GARIN2: variants seen among roughly 807,000 people sequenced by gnomAD.
GARIN2 encodes the protein golgi associated RAB2 interactor family member 2, also known as Golgi-associated RAB2 interactor protein 2.
chr14:67,196,673 G>A, the GARIN2 span: 1 of 152,146 alleles, frequency 6.6e-6, no homozygotes, highest in East Asian at 1.9e-4. Flanking sequence ...TTGGCCATAG[G>A]AGCTCAGGAT....
the GARIN2 span, among the ~76,000 whole-genome samples, chr14:67,225,753 C>T: frequency 6.6e-6 from 1 of 152,278 alleles, no homozygotes; most frequent in East Asian, 1.9e-4. Context: ...TAGGGTGGCC[C>T]TGGCCTACTG....
the GARIN2 span, among the ~76,000 whole-genome samples, chr14:67,213,093 G>T: frequency 7.5e-6 from 1 of 133,662 alleles, no homozygotes; most frequent in Admixed American, 7.5e-5. Context: ...GAATTCTGTG[G>T]TGTTTTTTTT....
chr14:67,198,837 A>T, the GARIN2 span: 9 of 577,962 alleles, frequency 1.6e-5, no homozygotes, highest in Non-Finnish European at 2.6e-5. Flanking sequence ...AACATTCAAC[A>T]TTAAAATATT....
chr14:67,195,731 G>A, the GARIN2 span, among the ~76,000 whole-genome samples: 22,472 of 151,326 alleles, frequency 0.15, 3,164 homozygotes, highest in East Asian at 0.36. Flanking sequence ...GTGTGTGTGT[G>A]TGTGTGTGTG....
the GARIN2 span, among the ~76,000 whole-genome samples, chr14:67,191,037 C>A: frequency 2.0e-5 from 3 of 152,188 alleles, no homozygotes; most frequent in African/African-American, 7.2e-5. Context: ...AGTTCAAGAC[C>A]AGCCTGGCCA....
chr14:67,193,659 T>C, the GARIN2 span, among the ~76,000 whole-genome samples: 2 of 146,000 alleles, frequency 1.4e-5, no homozygotes, highest in Non-Finnish European at 3.0e-5. Context: ...AGAAATTAAG[T>C]AGGCCAAGCA....
the GARIN2 span, among the ~76,000 whole-genome samples, chr14:67,222,732 T>A: frequency 6.6e-6 from 1 of 152,152 alleles, no homozygotes; most frequent in Non-Finnish European, 1.5e-5. Flanking sequence ...TCTCTCTCTT[T>A]GCTGAGTGCT....
At chr14:67,220,513 T>G in the GARIN2 span, among the ~76,000 whole-genome samples, 160 of 152,280 alleles carry the variant, frequency 1.1e-3, no homozygotes, top group African/African-American at 3.6e-3. Flanking sequence ...TCTTTAAAAT[T>G]TAAATTGAGC....
the GARIN2 span, chr14:67,223,994 C>T: frequency 3.0e-6 from 3 of 984,048 alleles, no homozygotes; most frequent in Non-Finnish European, 3.6e-6. Context: ...AATAACTGCT[C>T]CCCATAGTAG....
the GARIN2 span, chr14:67,197,165 GT>G: frequency 6.6e-6 from 1 of 152,342 alleles, no homozygotes; most frequent in Non-Finnish European, 1.5e-5. Flanking sequence ...CTGGGCTCAA[GT>G]AAGCGGCCCA....
the GARIN2 span, among the ~76,000 whole-genome samples, chr14:67,222,412 C>T: frequency 6.6e-6 from 1 of 152,144 alleles, no homozygotes; most frequent in African/African-American, 2.4e-5. Flanking sequence ...CTGCCTCAGC[C>T]TCCTGAGTAG....
the GARIN2 span, among the ~76,000 whole-genome samples, chr14:67,207,414 A>G: frequency 1.5e-4 from 23 of 152,188 alleles, no homozygotes; most frequent in Admixed American, 2.0e-4. Context: ...GAACTCACTC[A>G]TTATGGTGAG....
chr14:67,218,810 T>A, the GARIN2 span, among the ~76,000 whole-genome samples: 1 of 151,884 alleles, frequency 6.6e-6, no homozygotes, highest in East Asian at 1.9e-4. Flanking sequence ...TATGCAGCAG[T>A]TTGGCTGACT....
At chr14:67,204,657 G>A in the GARIN2 span, 1 of 1,613,850 alleles carries the variant, frequency 6.2e-7, no homozygotes, top group Non-Finnish European at 8.5e-7. Context: ...CATATAAACA[G>A]GACACCTTGT....
the GARIN2 span, among the ~76,000 whole-genome samples, chr14:67,225,597 C>T: frequency 6.6e-6 from 1 of 152,078 alleles, no homozygotes; most frequent in Admixed American, 6.6e-5. Context: ...TTTAGATCAG[C>T]CAATACAATC....
the GARIN2 span, chr14:67,201,548 G>A: frequency 6.6e-6 from 3 of 455,818 alleles, no homozygotes; most frequent in South Asian, 4.6e-5. Context: ...GTTTTCCAGG[G>A]TTGGAGGATA....
At chr14:67,207,478 A>T in the GARIN2 span, among the ~76,000 whole-genome samples, 1 of 152,132 alleles carries the variant, frequency 6.6e-6, no homozygotes, top group Non-Finnish European at 1.5e-5. Context: ...AACACCTCCC[A>T]CTAGGCCCAC....
chr14:67,193,334 A>ATC, the GARIN2 span, among the ~76,000 whole-genome samples: 1 of 138,590 alleles, frequency 7.2e-6, no homozygotes, highest in African/African-American at 2.6e-5. Context: ...ATATCTCTAT[A>ATC]TAGATATCTA....
chr14:67,215,973 T>G, the GARIN2 span, among the ~76,000 whole-genome samples: 1 of 152,162 alleles, frequency 6.6e-6, no homozygotes, highest in Non-Finnish European at 1.5e-5. Flanking sequence ...TTTAAAAAAT[T>G]GATGAAAAAT....
Sources: allele counts gnomAD v4.1 joint callset (sites outside exome capture counted in the v4.1 genomes callset), GRCh38; gene constraint gnomAD v4.1.1; transcripts MANE v1.5; gene names NCBI Gene and HGNC (gene_info 2026-07-23, HGNC 2026-07-21).